Variants in GSTCD observed in about 807,000 individuals in gnomAD.
GSTCD encodes the protein glutathione S-transferase C-terminal domain containing, also known as glutathione S-transferase C-terminal domain-containing protein.
GSTCD carries 44 observed loss-of-function variants against 68.3 expected under a neutral mutation model. That is an observed-to-expected ratio of 0.64 (90% confidence interval 0.51 to 0.83). The LOEUF is 0.83. Among genes scored for constraint, GSTCD ranks in the 40% least tolerant of loss-of-function variants. The pLI is 0.00. For synonymous variants in GSTCD, 273 were observed against 255.2 expected (o/e 1.07, Z -0.67); for missense variants, 739 against 735.9 (o/e 1.00, Z -0.05).
intron 1 of GSTCD, among the ~76,000 whole-genome samples, chr4:105,713,985 G>A (rs1291394662): frequency 6.7e-6 from 1 of 150,198 alleles, no homozygotes; most frequent in East Asian, 1.9e-4. Context: ...CATTCTCTGT[G>A]TTTTATCAAG....
chr4:105,767,930 GT>G (rs780591884), intron 5 of GSTCD, among the ~76,000 whole-genome samples: 11 of 46,806 alleles, frequency 2.4e-4, no homozygotes, highest in East Asian at 4.3e-3. Flanking sequence ...AGAAAATGAT[GT>G]GTTTTTTTTC....
At chr4:105,720,923 A>T (rs1193457128) in intron 3 of GSTCD, among the ~76,000 whole-genome samples, 1 of 152,142 alleles carries the variant, frequency 6.6e-6, no homozygotes, top group Non-Finnish European at 1.5e-5. Context: ...TGAATACATA[A>T]ACTAATTCTC....
Position 105,742,875 on chromosome 4 carries a change from T to A in GSTCD, c.1240+13376T>A, listed in dbSNP as rs12502682. On this transcript the variant is annotated intron_variant, in intron 5 of 11. Coordinates refer to ENST00000515279, the MANE Select transcript of GSTCD (RefSeq NM_001370181.1). Reference sequence around the variant, plus strand: ...GACTACAGGTGCATGCCATCATACCTGGCTAATTTTTTAGTTTTGTGTAGA... The same window carrying A: ...GACTACAGGTGCATGCCATCATACCAGGCTAATTTTTTAGTTTTGTGTAGA... 1.0e-2 allele frequency among the ~76,000 whole-genome samples: 1,514 copies of A among 152,020 alleles called. 16 individuals carry two copies. Among genetic ancestry groups the A allele is most frequent in the Admixed American group, 0.029 (446 of 15,264 alleles).
chr4:105,780,208 A>G (rs1446868177), intron 5 of GSTCD, among the ~76,000 whole-genome samples: 1 of 152,162 alleles, frequency 6.6e-6, no homozygotes, highest in Non-Finnish European at 1.5e-5. Flanking sequence ...GTTGCCTATG[A>G]CTTATTACCA....
chr4:105,811,172 C>T (rs939361018), intron 5 of GSTCD, among the ~76,000 whole-genome samples: 5 of 151,946 alleles, frequency 3.3e-5, no homozygotes, highest in African/African-American at 4.8e-5. Flanking sequence ...GTGGGCATTG[C>T]GATTCTCCAA....
intron 10 of GSTCD, among the ~76,000 whole-genome samples, chr4:105,839,245 T>C (rs1349610549): frequency 6.6e-6 from 1 of 152,234 alleles, no homozygotes; most frequent in Non-Finnish European, 1.5e-5. Flanking sequence ...CTGTATGATT[T>C]TGGAAGAAAC....
intron 5 of GSTCD, among the ~76,000 whole-genome samples, chr4:105,734,904 G>A (rs1392116397): frequency 6.6e-6 from 1 of 152,172 alleles, no homozygotes; most frequent in East Asian, 1.9e-4. Context: ...TAACAGTCAG[G>A]ACCCTCAGCT....
chr4:105,840,894 A>G (rs1724305966), intron 10 of GSTCD, among the ~76,000 whole-genome samples: 1 of 152,158 alleles, frequency 6.6e-6, no homozygotes, highest in African/African-American at 2.4e-5. Context: ...TCTTTCCTCT[A>G]AAAGGACTAA....
chr4:105,787,934 A>G (rs1735526579), intron 5 of GSTCD, among the ~76,000 whole-genome samples: 1 of 152,098 alleles, frequency 6.6e-6, no homozygotes, highest in South Asian at 2.1e-4. Context: ...ACATACATTT[A>G]CTGACTACAA....
At chr4:105,764,840 A>AT (rs1436323907) in intron 5 of GSTCD, among the ~76,000 whole-genome samples, 3 of 152,096 alleles carry the variant, frequency 2.0e-5, no homozygotes, top group Admixed American at 2.0e-4. Flanking sequence ...ATATTCTTTT[A>AT]TTTTTTATGT....
intron 11 of GSTCD, among the ~76,000 whole-genome samples, chr4:105,843,806 CATA>C (rs1344047780): frequency 6.9e-6 from 1 of 145,884 alleles, no homozygotes; most frequent in Non-Finnish European, 1.5e-5. Flanking sequence ...CCAATGAAGA[CATA>C]ATTAGTATGG....
intron 5 of GSTCD, among the ~76,000 whole-genome samples, chr4:105,778,607 AG>A (rs1439540901): frequency 7.2e-5 from 11 of 152,230 alleles, no homozygotes; most frequent in African/African-American, 2.2e-4. Context: ...AATCTATATA[AG>A]TGACAGCTTA....
chr4:105,841,827 G>A (rs559360940), intron 10 of GSTCD, among the ~76,000 whole-genome samples: 4 of 152,214 alleles, frequency 2.6e-5, no homozygotes, highest in Admixed American at 1.3e-4. Flanking sequence ...CTCCAGCCTG[G>A]GCGACGGCGA....
intron 5 of GSTCD, among the ~76,000 whole-genome samples, chr4:105,734,884 G>GT (rs1733401607): frequency 6.6e-6 from 1 of 152,122 alleles, no homozygotes; most frequent in Non-Finnish European, 1.5e-5. Context: ...CTGTTTGTTA[G>GT]TTTTCCTTCT....
chr4:105,819,975 A>G (rs1455128555), intron 5 of GSTCD, among the ~76,000 whole-genome samples: 2 of 151,796 alleles, frequency 1.3e-5, no homozygotes. Context: ...AAAGACATCT[A>G]ATGAGTATCC....
At chr4:105,735,007 C>T (rs1387200267) in intron 5 of GSTCD, among the ~76,000 whole-genome samples, 2 of 152,190 alleles carry the variant, frequency 1.3e-5, no homozygotes, top group Admixed American at 6.5e-5. Context: ...TATTGTTGAA[C>T]AGCAAATGTT....
chr4:105,841,041 C>A (rs932543199), intron 10 of GSTCD, among the ~76,000 whole-genome samples: 1 of 152,112 alleles, frequency 6.6e-6, no homozygotes, highest in Non-Finnish European at 1.5e-5. Context: ...GCAGGCCAGG[C>A]ACGGTACCTC....
intron 5 of GSTCD, among the ~76,000 whole-genome samples, chr4:105,743,019 A>C (rs1050306012): frequency 2.1e-5 from 3 of 144,696 alleles, no homozygotes; most frequent in African/African-American, 5.0e-5. Context: ...CCGCGATCTC[A>C]GCTCACTGCA....
rs6852930 is a variant in GSTCD, at chr4:105,762,530, G to A, written c.1240+33031G>A. ...CTGACCTATTACTACTTCAAGGAAT[G>A]TAGTAGCAGGTGTTGATATTTTTCC... On this transcript the variant is annotated intron_variant, in intron 5 of 11. Coordinates refer to ENST00000515279, the MANE Select transcript of GSTCD (RefSeq NM_001370181.1). 9.4e-3 allele frequency among the ~76,000 whole-genome samples: 1,434 copies of A among 152,312 alleles called. 30 individuals are homozygous for A. Among genetic ancestry groups the A allele is most frequent in the African/African-American group, 0.032 (1,349 of 41,560 alleles).
Sources: allele counts gnomAD v4.1 joint callset (sites outside exome capture counted in the v4.1 genomes callset), GRCh38; gene constraint gnomAD v4.1.1; transcripts MANE v1.5; gene names NCBI Gene and HGNC (gene_info 2026-07-23, HGNC 2026-07-21).